The following TRAPPC9 variants were observed in gnomAD, a reference collection of about 807,000 sequenced individuals.
The protein encoded by TRAPPC9 is IKK2 binding protein.
Under a neutral mutation model 124.0 loss-of-function variants are expected in TRAPPC9, and 83 were observed. The ratio of observed to expected loss-of-function variants is 0.67; its 90% CI spans 0.56 to 0.80. The LOEUF (loss-of-function observed/expected upper bound fraction) is 0.80. TRAPPC9 is among the 30% of genes least tolerant of loss of function. TRAPPC9 has a pLI of 0.00. For missense variants in TRAPPC9, 1,302 were observed against 1,508.3 expected, an observed-to-expected ratio of 0.86 and a Z score of 2.27; for synonymous variants, 638 against 617.5, an observed-to-expected ratio of 1.03 and a Z score of -0.49.
intron 9 of TRAPPC9, among the ~76,000 whole-genome samples, chr8:140,320,664 C>G (rs541702579): frequency 6.6e-6 from 1 of 152,236 alleles, no homozygotes; most frequent in South Asian, 2.1e-4. Flanking sequence ...TCCCTTCTTA[C>G]AAAAGAGGCT....
chr8:139,818,756 G>A (rs955084633), intron 21 of TRAPPC9, among the ~76,000 whole-genome samples: 1 of 152,174 alleles, frequency 6.6e-6, no homozygotes. Flanking sequence ...TGAAATTCCT[G>A]ACAATGTGAG....
At position 139,771,845 on chromosome 8, in the gene TRAPPC9, G is replaced by A. The variant is rs1001155208; in HGVS notation, c.3056-39643C>T. On this transcript the variant is annotated intron_variant, in intron 21 of 22. Coordinates refer to ENST00000438773, the MANE Select transcript of TRAPPC9 (RefSeq NM_001160372.4). ...GCACCCTCGGCCTTTAGGGTCAGGT[G>A]TGTCTCTAGGACACAACACAGGAGC... 8.5e-5 allele frequency among the ~76,000 whole-genome samples: 13 copies of A among 152,226 alleles called. 1 individual carries two copies. The highest frequency in any genetic ancestry group is 7.2e-4 in the Admixed American group (11 of 15,288).
intron 19 of TRAPPC9, among the ~76,000 whole-genome samples, chr8:139,939,699 C>T (rs1429427869): frequency 6.6e-6 from 1 of 152,242 alleles, no homozygotes; most frequent in Non-Finnish European, 1.5e-5. Context: ...GTGCTCCCAC[C>T]TTCTGTGGCT....
chr8:140,302,055 T>A (rs987718452), intron 10 of TRAPPC9, among the ~76,000 whole-genome samples: 1 of 152,342 alleles, frequency 6.6e-6, no homozygotes, highest in African/African-American at 2.4e-5. Flanking sequence ...TAATAACAAC[T>A]GCCTTACAGA....
intron 5 of TRAPPC9, among the ~76,000 whole-genome samples, chr8:140,415,124 T>G (rs2069868488): frequency 6.6e-6 from 1 of 151,874 alleles, no homozygotes; most frequent in Non-Finnish European, 1.5e-5. Flanking sequence ...AGCAGGAGGA[T>G]CTCTTGAGCC....
intron 5 of TRAPPC9, among the ~76,000 whole-genome samples, chr8:140,419,970 A>T (rs1462309840): frequency 6.6e-6 from 1 of 152,186 alleles, no homozygotes; most frequent in Non-Finnish European, 1.5e-5. Flanking sequence ...AAATCCACTA[A>T]AAAACTTTTA....
At chr8:140,262,140 C>A (rs1456857415) in intron 15 of TRAPPC9, among the ~76,000 whole-genome samples, 1 of 152,160 alleles carries the variant, frequency 6.6e-6, no homozygotes, top group Admixed American at 6.5e-5. Flanking sequence ...TGCTCTACAA[C>A]CTACCCCTTA....
At chr8:140,025,593 G>GA (rs1382950693) in intron 17 of TRAPPC9, among the ~76,000 whole-genome samples, 3 of 149,992 alleles carry the variant, frequency 2.0e-5, no homozygotes, top group African/African-American at 7.3e-5. Context: ...AAAGAAAAAG[G>GA]AAAAAAAGGA....
intron 20 of TRAPPC9, chr8:139,904,766 T>C (rs1831238923): frequency 6.6e-6 from 1 of 152,146 alleles, no homozygotes; most frequent in Non-Finnish European, 1.5e-5. Context: ...CTGACAGCAA[T>C]GGTCTGCAGC....
rs757520037 is a variant in TRAPPC9, at chr8:140,241,815, C to A, written c.2431+10962G>T. Among the ~76,000 whole-genome samples the A allele has an allele frequency of 3.9e-5, 6 of 152,228 alleles. No individual in the cohort carries two copies. The highest frequency in any genetic ancestry group is 7.3e-5 in the Non-Finnish European group (5 of 68,040). On this transcript the variant is annotated intron_variant, in intron 16 of 22. Transcript: ENST00000438773. The surrounding 1 kb of genome is among the most constrained non-coding windows in gnomAD (Gnocchi z 5.0). The stretch of plus-strand genomic sequence containing the variant: ...CTCTGAACTCAGGGTGTGGAACACT[C>A]GGCAGCCTTCGCAGCGTGCCTTCCG...
intron 7 of TRAPPC9, among the ~76,000 whole-genome samples, chr8:140,371,577 G>C (rs985292844): frequency 6.6e-6 from 1 of 152,194 alleles, no homozygotes; most frequent in Non-Finnish European, 1.5e-5. Context: ...ATGTAACTGG[G>C]TAATGAATTA....
In TRAPPC9 at chr8:140,435,092, G is replaced by A. The variant is rs369404634; in HGVS notation, c.859+20C>T. The A allele has an allele frequency of 5.2e-5, 84 of 1,614,116 alleles. No individual in the cohort carries two copies. Among genetic ancestry groups the A allele is most frequent in the African/African-American group, 3.9e-4 (29 of 75,050 alleles). On this transcript the variant is annotated intron_variant, in intron 4 of 22. Coordinates refer to ENST00000438773, the MANE Select transcript of TRAPPC9 (RefSeq NM_001160372.4). Reference sequence around the variant, plus strand: ...TAAAGACTGCAAGTGAGCAGAGGCCGGAAAAAGGGCAGAGCTCACCTGGCC... The same window carrying A: ...TAAAGACTGCAAGTGAGCAGAGGCCAGAAAAAGGGCAGAGCTCACCTGGCC...
intron 17 of TRAPPC9, among the ~76,000 whole-genome samples, chr8:140,052,679 G>C (rs1284838202): frequency 1.3e-5 from 2 of 152,104 alleles, no homozygotes; most frequent in Admixed American, 6.6e-5. Flanking sequence ...CTACTCAGGA[G>C]GCTGAGGCAG....
intron 17 of TRAPPC9, among the ~76,000 whole-genome samples, chr8:140,163,855 A>G (rs1450776331): frequency 6.6e-6 from 1 of 152,256 alleles, no homozygotes; most frequent in African/African-American, 2.4e-5. Context: ...TTGTAAAAAG[A>G]GAACTGACTT....
In TRAPPC9 at chr8:140,429,053, GTTTT is replaced by G. The variant is rs371293221; in HGVS notation, c.860-2416_860-2413del. Among the ~76,000 whole-genome samples, 43 of 150,408 alleles carry G rather than the reference GTTTT, an allele frequency of 2.9e-4. No individual in the cohort carries two copies. In the South Asian group the frequency reaches 7.2e-3, roughly 25 times the overall value. On this transcript the variant is annotated intron_variant, in intron 4 of 22. Coordinates refer to ENST00000438773, the MANE Select transcript of TRAPPC9 (RefSeq NM_001160372.4). ...CTGAAGCTCAGCCCGACTGCCAGGG[GTTTT>G]TTGTTTTGTTTTTTGTTTTTCTGTT...
intron 21 of TRAPPC9, among the ~76,000 whole-genome samples, chr8:139,804,354 GCACCACCACCACCACT>G (rs1166112869): frequency 7.2e-5 from 4 of 55,434 alleles, no homozygotes; most frequent in African/African-American, 1.5e-4. Flanking sequence ...CCGCCACCAA[GCACCACCACCACCACT>G]CACCACCACC....
intron 16 of TRAPPC9, among the ~76,000 whole-genome samples, chr8:140,244,035 C>T (rs1455371733): frequency 6.6e-6 from 1 of 152,204 alleles, no homozygotes; most frequent in African/African-American, 2.4e-5. Context: ...GTTGCACGCT[C>T]CTTATGAGAA....
At chr8:139,815,482 G>A (rs528313045) in intron 21 of TRAPPC9, among the ~76,000 whole-genome samples, 1 of 151,784 alleles carries the variant, frequency 6.6e-6, no homozygotes, top group African/African-American at 2.4e-5. Context: ...CTGCCTCCCG[G>A]GTTCAAGCGA....
At chr8:140,390,968 C>T (rs760295635) in intron 7 of TRAPPC9, among the ~76,000 whole-genome samples, 1 of 152,170 alleles carries the variant, frequency 6.6e-6, no homozygotes, top group Non-Finnish European at 1.5e-5. Flanking sequence ...CTTAAAAAGC[C>T]TTTCCCAAAT....
Sources: allele counts gnomAD v4.1 joint callset (sites outside exome capture counted in the v4.1 genomes callset), GRCh38; gene constraint gnomAD v4.1.1; non-coding constraint Gnocchi (gnomAD v3.1); transcripts MANE v1.5; gene names NCBI Gene and HGNC (gene_info 2026-07-23, HGNC 2026-07-21).